NLRP2: variants seen among roughly 807,000 people sequenced by gnomAD.
NLRP2 encodes the protein NLR family pyrin domain containing 2.
NLRP2 carries 107 observed loss-of-function variants against 97.2 expected under a neutral mutation model. The ratio of observed to expected loss-of-function variants is 1.10; its 90% CI spans 0.94 to 1.29. The LOEUF is 1.29. Ranked by LOEUF, NLRP2 falls within the 50% of genes most tolerant of loss-of-function variation. The pLI is 0.00. For missense variants in NLRP2, 1,495 were observed against 1,330.3 expected (o/e 1.12, Z -1.93); for synonymous variants, 663 against 551.5 (o/e 1.20, Z -2.83).
intron 10 of NLRP2, among the ~76,000 whole-genome samples, chr19:54,992,351 C>T (rs73932260): frequency 0.013 from 2,032 of 152,042 alleles, 48 homozygotes; most frequent in African/African-American, 0.046. Flanking sequence ...ATATTCAGTT[C>T]ATGGCTGGAG....
intron 5 of NLRP2, among the ~76,000 whole-genome samples, 196 bp from the exon 6 acceptor site, chr19:54,981,966 C>G (rs978983206): frequency 6.6e-6 from 1 of 151,982 alleles, no homozygotes; most frequent in Non-Finnish European, 1.5e-5. Context: ...TTAGTAGAGA[C>G]AAGGTTTCTT....
At chr19:54,997,771 T>C (rs1404688114) in intron 12 of NLRP2, among the ~76,000 whole-genome samples, 4 of 150,536 alleles carry the variant, frequency 2.7e-5, no homozygotes, top group African/African-American at 9.8e-5. Context: ...TTTTTTTTTT[T>C]CCTTTGAGGC....
chr19:54,977,893 C>A (rs760477111), intron 4 of NLRP2, 70 bp downstream of exon 4: 61 of 1,361,760 alleles, frequency 4.5e-5, no homozygotes, highest in Middle Eastern at 1.8e-4. Context: ...ATCTCCTGTT[C>A]CTTTGAAGAA....
intron 4 of NLRP2, 57 bp downstream of exon 4, chr19:54,977,880 G>A: frequency 6.8e-7 from 1 of 1,474,340 alleles, no homozygotes; most frequent in Non-Finnish European, 9.5e-7. Flanking sequence ...CGTTCTTGCT[G>A]CTATCTCCTG....
intron 2 of NLRP2, 22 bp from the exon 3 acceptor site, chr19:54,974,478 T>A (rs1489785696): frequency 6.2e-7 from 1 of 1,606,572 alleles, no homozygotes; most frequent in Non-Finnish European, 8.5e-7. Flanking sequence ...ATGCAAAATT[T>A]TCCCCCCTTC....
chr19:54,989,802 G>C (rs1433936330), intron 8 of NLRP2: 12 of 600,318 alleles, frequency 2.0e-5, no homozygotes, highest in Non-Finnish European at 2.4e-5. Context: ...TGACCAACAT[G>C]GAGAGACCCC....
chr19:54,978,050 C>A (rs989082542), intron 4 of NLRP2, among the ~76,000 whole-genome samples: 4 of 151,960 alleles, frequency 2.6e-5, no homozygotes, highest in Non-Finnish European at 5.9e-5. Context: ...AGGAGCACAG[C>A]GCAGAGAGTT....
At chr19:54,987,938 G>A (rs2072206965) in intron 8 of NLRP2, among the ~76,000 whole-genome samples, 2 of 151,992 alleles carry the variant, frequency 1.3e-5, no homozygotes, top group African/African-American at 4.8e-5. Context: ...AGCTACTCAT[G>A]GAGGCTGATG....
intron 4 of NLRP2, among the ~76,000 whole-genome samples, chr19:54,981,415 A>ACG: frequency 6.6e-6 from 1 of 151,650 alleles, no homozygotes; most frequent in Admixed American, 6.6e-5. Flanking sequence ...GATCCACCCC[A>ACG]CCTCAGCCTC....
In NLRP2 at chr19:54,984,204, T is replaced by A. The variant is rs183488540; in HGVS notation, c.2030+476T>A. ...CTGTGTTGCTCAGGCTGGAGTACAG[T>A]GGTGAAATCAGCTCACTGCATCCTC... On this transcript the variant is annotated intron_variant, in intron 6 of 12. Transcript: ENST00000448584. Among the ~76,000 whole-genome samples, 162 of 151,948 alleles carry A rather than the reference T, an allele frequency of 1.1e-3. 2 individuals are homozygous for A. The highest frequency in any genetic ancestry group is 3.7e-3 in the African/African-American group (155 of 41,444).
At position 54,997,538 on chromosome 19, in the gene NLRP2, G is replaced by A. The variant is rs762529745; in HGVS notation, c.3050+51G>A. ...GGCTTTCTCCAGAGTGGTAGGTTTA[G>A]GGGAAGCATAATGACATGGACCTGC... is the stretch of plus-strand genomic sequence containing the variant. On this transcript the variant is annotated intron_variant, in intron 12 of 12. Coordinates refer to ENST00000448584, the MANE Select transcript of NLRP2 (RefSeq NM_017852.5). The A allele has an allele frequency of 3.8e-5, 60 of 1,594,566 alleles. 1 individual carries two copies. The highest frequency in any genetic ancestry group is 3.3e-4 in the Middle Eastern group (2 of 5,980).
In NLRP2 at chr19:54,985,131, A is replaced by T; in HGVS notation, c.2115A>T (p.Ala705=). 1.2e-6 allele frequency: 2 copies of T among 1,613,852 alleles called. No homozygotes were observed. Among genetic ancestry groups the T allele is most frequent in the Non-Finnish European group, 1.7e-6 (2 of 1,179,722 alleles). Residue 705 remains alanine, a synonymous_variant, in exon 7 of 13, where the codon GCA becomes GCT. Coordinates refer to ENST00000448584, the MANE Select transcript of NLRP2 (RefSeq NM_017852.5). ...CAAATAAGGATCTGATGGGTCTAGC[A>T]ATCAATGATAGCTTTCTCAGTGCCT... is the stretch of plus-strand genomic sequence containing the variant. ...FGSNKDLMGL[A]INDSFLSASL... is the part of the protein sequence containing the mutation.
At chr19:54,976,411 G>T (rs2071231938) in intron 3 of NLRP2, among the ~76,000 whole-genome samples, 1 of 151,194 alleles carries the variant, frequency 6.6e-6, no homozygotes, top group Non-Finnish European at 1.5e-5. Context: ...GAGTGCAGTG[G>T]TACAATCTCA....
In NLRP2 at chr19:54,970,099, T is replaced by A; in HGVS notation, c.84T>A (p.Tyr28Ter). The change falls in exon 2 of 13, where the codon TAT (tyrosine) becomes TAA (stop). Residue 28 changes from tyrosine to a stop codon, truncating the protein, a stop_gained. Coordinates refer to ENST00000448584, the MANE Select transcript of NLRP2 (RefSeq NM_017852.5). LOFTEE classifies it high-confidence loss of function. ...AGGATGAGTTGAGCAAGTTCAAGTA[T>A]CTGATCACGACCTTCTCCCTGGCAC... is the stretch of plus-strand genomic sequence containing the variant. ...LSQDELSKFK[Y>*]LITTFSLAHE... 1 of 1,614,078 alleles carries A rather than the reference T, an allele frequency of 6.2e-7. No individual in the cohort carries two copies. The highest frequency in any genetic ancestry group is 8.5e-7 in the Non-Finnish European group (1 of 1,180,022).
intron 4 of NLRP2, among the ~76,000 whole-genome samples, chr19:54,979,219 A>C (rs1022448988): frequency 2.0e-4 from 31 of 152,092 alleles, no homozygotes; most frequent in Admixed American, 1.8e-3. Flanking sequence ...TCCTGACCTC[A>C]AGTGATCCAC....
rs1216294857 is a variant in NLRP2 at position 54,998,318 on chromosome 19, T to TC, written c.3050+831_3050+832insC. On this transcript the variant is annotated intron_variant, in intron 12 of 12. Coordinates refer to ENST00000448584, the MANE Select transcript of NLRP2 (RefSeq NM_017852.5). ...CAGGCATGAGCCACCGCACCCGGCC[T>TC]GAGTTGTATTTTGATACCATGGCAT... is the stretch of plus-strand genomic sequence containing the variant. Among the ~76,000 whole-genome samples, 297 of 152,140 alleles carry TC rather than the reference T, an allele frequency of 2.0e-3. 1 individual carries two copies. Among genetic ancestry groups the TC allele is most frequent in the Middle Eastern group, 6.8e-3 (2 of 294 alleles).
chr19:54,975,105 TG>T (rs2071119818), intron 3 of NLRP2, among the ~76,000 whole-genome samples: 8 of 94,468 alleles, frequency 8.5e-5, no homozygotes, highest in Non-Finnish European at 1.4e-4. Context: ...CACCCGGTTT[TG>T]TTTTTTTTTT....
intron 2 of NLRP2, 31 bp downstream of exon 2, chr19:54,970,326 A>C (rs750266557): frequency 6.2e-7 from 1 of 1,612,738 alleles, no homozygotes; most frequent in Non-Finnish European, 8.5e-7. Context: ...ACTGTGTCCT[A>C]GGAGGAAGCA....
intron 4 of NLRP2, among the ~76,000 whole-genome samples, chr19:54,980,195 ATGTTT>A (rs933899100): frequency 4.0e-5 from 5 of 125,890 alleles, no homozygotes; most frequent in Admixed American, 1.8e-4. Context: ...AGGTAAAGAA[ATGTTT>A]TGTTTTGTTT....
Sources: gnomAD v4.1 joint callset for allele counts (sites outside exome capture counted in the v4.1 genomes callset) on GRCh38, gnomAD v4.1.1 for gene constraint, MANE v1.5 for transcripts, NCBI Gene and HGNC (gene_info 2026-07-23, HGNC 2026-07-21) for gene names.